Variants in RGS12 observed in about 807,000 individuals in gnomAD.
The protein encoded by RGS12 is regulator of G protein signaling 12, also known as regulator of G-protein signaling 12.
In RGS12, 66 loss-of-function variants were observed where a neutral mutation model predicts 120.1. That is an observed-to-expected ratio of 0.55 (90% CI 0.45 to 0.67). RGS12 has a LOEUF of 0.67. RGS12 is among the 30% of genes least tolerant of loss of function. RGS12 has a pLI of 0.00. For synonymous variants in RGS12, 827 were observed against 804.7 expected (o/e 1.03, Z -0.47); for missense variants, 1,859 against 1,957.7 (o/e 0.95, Z 0.95).
At position 3,343,089 on chromosome 4, in the gene RGS12, A is replaced by G. The variant is rs765290631; in HGVS notation, c.1998+36A>G. The G allele has an allele frequency of 6.6e-6, 10 of 1,508,124 alleles. No individual in the cohort carries two copies. The Admixed American group carries it at 1.7e-4, about 26-fold the overall frequency. The allele number at this position is 1,508,124 out of a possible 1,614,324, so 93.4% of individuals were successfully genotyped here. A position where few individuals can be genotyped will look rare whatever the true frequency, so the allele number is the denominator to read the frequency against. On this transcript the variant is annotated intron_variant, in intron 3 of 17. Transcript: ENST00000336727. Reference sequence around the variant, plus strand: ...TTTCATTTTTCTTCTTTTCTCCTTCAAGTTTTAAAAAATGCAAGTCCACCT... The same window carrying G: ...TTTCATTTTTCTTCTTTTCTCCTTCGAGTTTTAAAAAATGCAAGTCCACCT...
chr4:3,286,086 C>T, the RGS12 span, among the ~76,000 whole-genome samples: 3 of 152,374 alleles, frequency 2.0e-5, no homozygotes, highest in East Asian at 5.8e-4. Context: ...GTGAGCAAGG[C>T]AGTGCCTCCG....
chr4:3,309,028 G>GGGAGGAGCTGGGACCCTGGA (rs1724135831), intron 1 of RGS12, among the ~76,000 whole-genome samples: 2 of 150,124 alleles, frequency 1.3e-5, no homozygotes, highest in African/African-American at 5.0e-5. Flanking sequence ...TGGGACCTGG[G>GGGAGGAGCTGGGACCCTGGA]AATGGCAGGT....
Position 3,428,114 on chromosome 4 carries a change from T to C in RGS12, c.3356T>C (p.Val1119Ala). The stretch of plus-strand genomic sequence containing the variant: ...GCATCCGCAGATAAACAGAAAGGTG[T>C]GCCAGTGAAACAGAACACAGCTGTA... ...GKASADKQKG[V>A]PVKQNTAVNS... is the part of the protein sequence containing the mutation. Residue 1119 changes from valine to alanine, a missense_variant, in exon 15 of 18, where the codon GTG becomes GCG. By Grantham distance (64) the Val-to-Ala change is moderately conservative. Coordinates refer to ENST00000336727, the MANE Select transcript of RGS12 (RefSeq NM_001394154.1). 3 of 1,613,738 alleles carry C rather than the reference T, an allele frequency of 1.9e-6. No individual in the cohort carries two copies. The highest frequency in any genetic ancestry group is 2.5e-6 in the Non-Finnish European group (3 of 1,179,832).
intron 2 of RGS12, among the ~76,000 whole-genome samples, chr4:3,321,748 C>T (rs1022368992): frequency 2.0e-5 from 3 of 152,142 alleles, no homozygotes; most frequent in Non-Finnish European, 4.4e-5. Flanking sequence ...GTGTCCAGCG[C>T]GCTCTGAGGC....
At chr4:3,415,932 G>C (rs766615782) in intron 6 of RGS12, 46 bp from the exon 7 acceptor site, 1 of 1,567,622 alleles carries the variant, frequency 6.4e-7, no homozygotes, top group Admixed American at 1.8e-5. Flanking sequence ...GCAGGAGTGC[G>C]GGGAGAGGAA....
Position 3,417,064 on chromosome 4 carries a change from A to G in RGS12, c.2579A>G (p.Asp860Gly). The G allele has an allele frequency of 6.2e-7, 1 of 1,611,290 alleles. No individual in the cohort carries two copies. Among genetic ancestry groups the G allele is most frequent in the East Asian group, 2.2e-5 (1 of 44,836 alleles). Residue 860 changes from aspartate to glycine, a missense_variant, in exon 8 of 18, where the codon GAC (aspartate) becomes GGC (glycine). Asp to Gly is a moderately conservative substitution (Grantham distance 94). Coordinates refer to ENST00000336727, the MANE Select transcript of RGS12 (RefSeq NM_001394154.1). Reference sequence around the variant, plus strand: ...GCTTCCAAGCACAGCCTCGGTTCAGACCACTCCAGTGTGTCCACGCCAAAA... The same window carrying G: ...GCTTCCAAGCACAGCCTCGGTTCAGGCCACTCCAGTGTGTCCACGCCAAAA... Reference protein sequence around the residue: ...SPASKHSLGSDHSSVSTPKKL... With the variant: ...SPASKHSLGSGHSSVSTPKKL...
intron 2 of RGS12, among the ~76,000 whole-genome samples, chr4:3,318,584 G>A (rs1334304770): frequency 3.3e-5 from 5 of 152,222 alleles, no homozygotes; most frequent in Non-Finnish European, 5.9e-5. Context: ...GGAGCCCCAC[G>A]CCGCCTGCTC....
At chr4:3,423,961 A>G (rs1298591485) in intron 13 of RGS12, 1 of 252,922 alleles carries the variant, frequency 4.0e-6, no homozygotes, top group Non-Finnish European at 7.9e-6. Flanking sequence ...ATGTGATCAG[A>G]TAAGAGAGTG....
chr4:3,402,933 C>T (rs1720742206), intron 4 of RGS12, among the ~76,000 whole-genome samples: 1 of 152,126 alleles, frequency 6.6e-6, no homozygotes, highest in Admixed American at 6.5e-5. Context: ...CCTGAGGGCT[C>T]CCTGTGGTCA....
At chr4:3,368,774 G>T (rs1716658788) in intron 3 of RGS12, among the ~76,000 whole-genome samples, 1 of 151,408 alleles carries the variant, frequency 6.6e-6, no homozygotes, top group African/African-American at 2.4e-5. Flanking sequence ...GTGTGGTGGG[G>T]TGGATGCTGA....
At chr4:3,379,774 C>A (rs1056841173) in intron 3 of RGS12, among the ~76,000 whole-genome samples, 2 of 152,100 alleles carry the variant, frequency 1.3e-5, no homozygotes, top group African/African-American at 4.8e-5. Context: ...GGGGTAACTG[C>A]CCCCATGATT....
intron 3 of RGS12, among the ~76,000 whole-genome samples, chr4:3,347,428 A>G (rs988863107): frequency 6.6e-6 from 1 of 152,240 alleles, no homozygotes; most frequent in Non-Finnish European, 1.5e-5. Flanking sequence ...TAGGCAACAG[A>G]GTGAGACTCT....
At chr4:3,358,450 G>T (rs770835676) in intron 3 of RGS12, among the ~76,000 whole-genome samples, 1 of 152,118 alleles carries the variant, frequency 6.6e-6, no homozygotes, top group African/African-American at 2.4e-5. Context: ...CAATGGAGAT[G>T]ATGTTTGTTG....
intron 2 of RGS12, chr4:3,324,472 G>C: frequency 4.3e-6 from 1 of 231,026 alleles, no homozygotes; most frequent in Non-Finnish European, 8.6e-6. Flanking sequence ...GGTTGGTACT[G>C]TGGGCCAGCG....
chr4:3,383,553 G>A (rs1211985873), intron 3 of RGS12, among the ~76,000 whole-genome samples: 2 of 151,876 alleles, frequency 1.3e-5, no homozygotes, highest in African/African-American at 4.8e-5. Flanking sequence ...GCTGCAATGA[G>A]CCATCATTAT....
At chr4:3,419,867 C>A (rs1285932237) in intron 9 of RGS12, among the ~76,000 whole-genome samples, 1 of 152,142 alleles carries the variant, frequency 6.6e-6, no homozygotes, top group African/African-American at 2.4e-5. Flanking sequence ...ACTGCAGGCA[C>A]CCCCAGAAGT....
chr4:3,333,576 C>T (rs1006685692), intron 2 of RGS12, among the ~76,000 whole-genome samples: 1 of 152,132 alleles, frequency 6.6e-6, no homozygotes, highest in Non-Finnish European at 1.5e-5. Context: ...TGTGGGTAAC[C>T]AGTGGTTCTA....
At position 3,422,882 on chromosome 4, in the gene RGS12, A is replaced by T. The variant is rs767098387; in HGVS notation, c.3034-23A>T. 80 of 1,609,928 alleles carry T rather than the reference A, an allele frequency of 5.0e-5. No individual in the cohort carries two copies. In the South Asian group the frequency reaches 8.8e-4, roughly 18 times the overall value. ...GGGGCTGCCTGCTGTGCCCACGTTG[A>T]TTCTGGTCTCTCTGTTCCTCAGCCT... On this transcript the variant is annotated intron_variant, in intron 11 of 17. Coordinates refer to ENST00000336727, the MANE Select transcript of RGS12 (RefSeq NM_001394154.1).
In RGS12 at chr4:3,366,150, A is replaced by G. The variant is rs1716277527; in HGVS notation, c.1999-20266A>G. Among the ~76,000 whole-genome samples the G allele has an allele frequency of 6.6e-6, 1 of 151,924 alleles. No homozygotes were observed. The highest frequency in any genetic ancestry group is 2.1e-4 in the South Asian group (1 of 4,796). On this transcript the variant is annotated intron_variant, in intron 3 of 17. Coordinates refer to ENST00000336727, the MANE Select transcript of RGS12 (RefSeq NM_001394154.1). The surrounding 1 kb of genome is among the most constrained non-coding windows in gnomAD (Gnocchi z 4.0). ...ACCCGAGAAGGGCAATGGGGAAGGA[A>G]GGCAGGCAGGCAGGACAGCCAGACT... is the stretch of plus-strand genomic sequence containing the variant.
Sources: allele counts gnomAD v4.1 joint callset (sites outside exome capture counted in the v4.1 genomes callset), GRCh38; gene constraint gnomAD v4.1.1; non-coding constraint Gnocchi (gnomAD v3.1); transcripts MANE v1.5; gene names NCBI Gene and HGNC (gene_info 2026-07-23, HGNC 2026-07-21).